Variants in SLC38A11 observed in about 807,000 individuals in gnomAD.
The protein encoded by SLC38A11 is solute carrier family 38 member 11.
A neutral mutation model predicts 49.4 loss-of-function variants in SLC38A11; 51 were observed. The observed-to-expected ratio is 1.03, with a 90% CI of 0.83 to 1.30. SLC38A11 has a LOEUF of 1.30. Ranked by LOEUF, SLC38A11 falls within the 50% of genes most tolerant of loss-of-function variation. SLC38A11 has a pLI of 0.00. For synonymous variants in SLC38A11, 203 were observed against 192.9 expected (o/e 1.05, Z -0.43); for missense variants, 574 against 556.2 (o/e 1.03, Z -0.32).
At chr2:164,945,571 T>C (rs1283840011) in intron 4 of SLC38A11, 22 bp downstream of exon 4, 2 of 1,576,564 alleles carry the variant, frequency 1.3e-6, no homozygotes, top group Admixed American at 4.2e-5. Flanking sequence ...AATTGCAATA[T>C]TTATCTTCAC....
intron 3 of SLC38A11, among the ~76,000 whole-genome samples, chr2:164,947,936 A>G (rs1038504731): frequency 1.3e-5 from 2 of 152,230 alleles, no homozygotes; most frequent in African/African-American, 2.4e-5. Context: ...CCCCCAACAA[A>G]GACACCTTTG....
At chr2:164,902,392 G>A (rs563420727) in intron 11 of SLC38A11, among the ~76,000 whole-genome samples, 4 of 152,200 alleles carry the variant, frequency 2.6e-5, no homozygotes, top group African/African-American at 7.2e-5. Context: ...ATAATAAAAT[G>A]TAAGTTTTTA....
intron 7 of SLC38A11, among the ~76,000 whole-genome samples, chr2:164,934,286 A>G (rs1335447608): frequency 1.3e-5 from 2 of 152,190 alleles, no homozygotes; most frequent in Non-Finnish European, 1.5e-5. Flanking sequence ...CGGAGAATGC[A>G]TCATGAAAAA....
rs764644749 is a variant in SLC38A11 at position 164,955,296 on chromosome 2, G to A, written c.-49C>T. 2 of 1,519,642 alleles carry A rather than the reference G, an allele frequency of 1.3e-6. No individual in the cohort carries two copies. The highest frequency in any genetic ancestry group is 1.8e-6 in the Non-Finnish European group (2 of 1,118,962). The allele number at this position is 1,519,642 out of a possible 1,614,324, so 94.1% of individuals were successfully genotyped here. On this transcript the variant is annotated 5_prime_UTR_variant, in exon 1 of 12. Transcript: ENST00000685975. ...GTGGAAGATGCTGGGGCTGGGTACG[G>A]ATTCGCACCCGGCCAGCCTCCTCCG... is the stretch of plus-strand genomic sequence containing the variant.
rs772978267 is a variant in SLC38A11, at chr2:164,945,706, A to G, written c.251T>C (p.Ile84Thr). 38 of 1,606,746 alleles carry G rather than the reference A, an allele frequency of 2.4e-5. No individual in the cohort carries two copies. The highest frequency in any genetic ancestry group is 2.9e-5 in the Non-Finnish European group (34 of 1,178,554). The change falls in exon 4 of 12, where the codon ATA becomes ACA. Residue 84 changes from isoleucine (I) to threonine (T), a missense_variant. Coordinates refer to ENST00000685975, the MANE Select transcript of SLC38A11 (RefSeq NM_001351537.2). ...YVTDFSLVLL[I>T]KGGALSGTDT... The stretch of plus-strand genomic sequence containing the variant: ...TGTTCCAGAGAGGGCCCCTCCTTTT[A>G]TCAATAAAACAAGGGAAAAGTCTGT...
chr2:164,952,237 G>A (rs1688572328), intron 3 of SLC38A11, among the ~76,000 whole-genome samples: 1 of 152,184 alleles, frequency 6.6e-6, no homozygotes, highest in Non-Finnish European at 1.5e-5. Context: ...AGCAGGCAGC[G>A]AGTTTGGGCA....
In SLC38A11 at chr2:164,898,827, A is replaced by T; in HGVS notation, c.1096-97T>A. On this transcript the variant is annotated intron_variant, in intron 11 of 11. Transcript: ENST00000685975. ...TTTACAAAATGTGTTTTTCATGCAC[A>T]TGTTAAACATGTGATAGGTTCAGTT... 7 of 1,145,206 alleles carry T rather than the reference A, an allele frequency of 6.1e-6. No homozygotes were observed. The South Asian group carries it at 1.1e-4, about 18-fold the overall frequency. 70.9% of individuals were successfully genotyped at this position (1,145,206 alleles called of 1,614,324 possible). A position where few individuals can be genotyped will look rare whatever the true frequency, so the allele number is the denominator to read the frequency against.
intron 11 of SLC38A11, among the ~76,000 whole-genome samples, chr2:164,902,581 T>C (rs1684730236): frequency 6.6e-6 from 1 of 152,178 alleles, no homozygotes; most frequent in South Asian, 2.1e-4. Context: ...ACACATTATT[T>C]TGGTAAATTT....
chr2:164,952,557 A>G, intron 3 of SLC38A11, 150 bp downstream of exon 3: 1 of 665,566 alleles, frequency 1.5e-6, no homozygotes. Context: ...AAATCTCCTC[A>G]GGCATAAATG....
chr2:164,951,436 C>T (rs1314841897), intron 3 of SLC38A11, among the ~76,000 whole-genome samples: 2 of 152,010 alleles, frequency 1.3e-5, no homozygotes, highest in Non-Finnish European at 2.9e-5. Context: ...TTAATAAGCA[C>T]ACTTAGGTCT....
intron 7 of SLC38A11, among the ~76,000 whole-genome samples, chr2:164,928,656 G>A (rs963713820): frequency 1.6e-4 from 25 of 152,006 alleles, no homozygotes; most frequent in African/African-American, 5.8e-4. Context: ...ATTTCTATGT[G>A]TAGATCCCTT....
chr2:164,908,566 T>A, intron 11 of SLC38A11, 74 bp downstream of exon 11: 1 of 1,334,086 alleles, frequency 7.5e-7, no homozygotes, highest in Non-Finnish European at 9.9e-7. Flanking sequence ...GGAAAATACA[T>A]CTTATGTTAA....
intron 7 of SLC38A11, among the ~76,000 whole-genome samples, chr2:164,933,724 C>T (rs1281971336): frequency 6.6e-6 from 1 of 151,952 alleles, no homozygotes; most frequent in Non-Finnish European, 1.5e-5. Context: ...TTGAATTTCT[C>T]ATGTTTTATG....
At chr2:164,936,447 T>A (rs1383244307) in intron 7 of SLC38A11, among the ~76,000 whole-genome samples, 1 of 152,180 alleles carries the variant, frequency 6.6e-6, no homozygotes, top group Non-Finnish European at 1.5e-5. Flanking sequence ...TCCTTTTACA[T>A]TTTTTCTTAC....
chr2:164,932,682 G>T (rs1687087280), intron 7 of SLC38A11, among the ~76,000 whole-genome samples: 1 of 152,028 alleles, frequency 6.6e-6, no homozygotes, highest in Admixed American at 6.6e-5. Context: ...GGAGCTAAAA[G>T]ATCACAACAC....
intron 9 of SLC38A11, 91 bp from the exon 10 acceptor site, chr2:164,911,839 G>A (rs1039787502): frequency 1.6e-6 from 1 of 633,542 alleles, no homozygotes; most frequent in Admixed American, 3.4e-5. Flanking sequence ...TTACAGTTAT[G>A]CATCACCTAA....
intron 7 of SLC38A11, among the ~76,000 whole-genome samples, chr2:164,926,663 C>A (rs1052321404): frequency 1.3e-5 from 2 of 152,060 alleles, no homozygotes; most frequent in Non-Finnish European, 2.9e-5. Flanking sequence ...CACATATACA[C>A]CATGAAATAC....
intron 5 of SLC38A11, 130 bp downstream of exon 5, chr2:164,944,439 T>C: frequency 2.7e-6 from 1 of 373,162 alleles, no homozygotes; most frequent in Non-Finnish European, 4.8e-6. Context: ...TCATGGATAT[T>C]GTGAGATACC....
chr2:164,932,223 T>C (rs1032158699), intron 7 of SLC38A11, among the ~76,000 whole-genome samples: 1 of 152,018 alleles, frequency 6.6e-6, no homozygotes, highest in African/African-American at 2.4e-5. Context: ...CATCTCACAC[T>C]AGTCACAATG....
Sources: gnomAD v4.1 joint callset for allele counts (sites outside exome capture counted in the v4.1 genomes callset) on GRCh38, gnomAD v4.1.1 for gene constraint, MANE v1.5 for transcripts, NCBI Gene and HGNC (gene_info 2026-07-23, HGNC 2026-07-21) for gene names.